The following POU1F1 variants were observed in gnomAD, a reference collection of about 807,000 sequenced individuals.
POU1F1 encodes pituitary-specific positive transcription factor 1.
A neutral mutation model predicts 32.3 loss-of-function variants in POU1F1; 23 were observed. The ratio of observed to expected loss-of-function variants is 0.71; its 90% CI spans 0.51 to 1.01. The LOEUF (loss-of-function observed/expected upper bound fraction) is 1.01. POU1F1 is among the 50% of genes least tolerant of loss of function. POU1F1 has a pLI of 0.00. For synonymous variants in POU1F1, 120 were observed against 115.6 expected (o/e 1.04, Z -0.25); for missense variants, 323 against 341.6 (o/e 0.95, Z 0.43).
At chr3:87,263,771 C>T (rs151034419) in intron 3 of POU1F1, among the ~76,000 whole-genome samples, 3 of 152,050 alleles carry the variant, frequency 2.0e-5, no homozygotes, top group African/African-American at 4.8e-5. Context: ...TAAAGTGGAA[C>T]TTGACAGCCC....
chr3:87,276,368 G>T lies in POU1F1; in HGVS notation c.95C>A (p.Ala32Asp), dbSNP rs1219258158. 2 of 1,613,990 alleles carry T rather than the reference G, an allele frequency of 1.2e-6. No individual in the cohort carries two copies. Among genetic ancestry groups the T allele is most frequent in the East Asian group, 2.2e-5 (1 of 44,866 alleles). ...TLPLIMHHSAAECLPVSNHAT... is the reference protein window; with the variant it reads ...TLPLIMHHSADECLPVSNHAT... ...ATGGTTGGAGACTGGTAGACACTCG[G>T]CAGCACTGTGATGCATTATCAGAGG... Residue 32 changes from alanine (A) to aspartate (D), a missense_variant, in exon 1 of 6, where the codon GCC becomes GAC. By Grantham distance (126) the Ala-to-Asp change is moderately radical (BLOSUM62 -2). Transcript: ENST00000350375.
In POU1F1 at chr3:87,265,860, C is replaced by G. The variant is rs200385179; in HGVS notation, c.215-1348G>C. Among the ~76,000 whole-genome samples the G allele has an allele frequency of 1.6e-4, 24 of 151,780 alleles. No individual in the cohort carries two copies. In the East Asian group the frequency reaches 3.9e-3, roughly 24 times the overall value. On this transcript the variant is annotated intron_variant, in intron 2 of 5. Coordinates refer to ENST00000350375, the MANE Select transcript of POU1F1 (RefSeq NM_000306.4). ...AAAGATTTTGGTATCCTTGGGGGTC[C>G]TGGAACCAATGTGCCACATAGAAGG...
chr3:87,265,410 G>C (rs532364093), intron 2 of POU1F1, among the ~76,000 whole-genome samples: 16 of 152,156 alleles, frequency 1.1e-4, no homozygotes, highest in African/African-American at 3.6e-4. Flanking sequence ...ATTGCTTCCA[G>C]ATTTCCTTTT....
chr3:87,262,837 T>C (rs1383255820), intron 3 of POU1F1, among the ~76,000 whole-genome samples: 3 of 152,128 alleles, frequency 2.0e-5, no homozygotes, highest in Non-Finnish European at 4.4e-5. Flanking sequence ...ATGATCCTTA[T>C]TGTTTGTCGC....
At chr3:87,275,099 G>A (rs928669404) in intron 1 of POU1F1, among the ~76,000 whole-genome samples, 1 of 151,788 alleles carries the variant, frequency 6.6e-6, no homozygotes, top group East Asian at 1.9e-4. Context: ...TTAGCTATGT[G>A]GTAATTGCTT....
intron 2 of POU1F1, among the ~76,000 whole-genome samples, chr3:87,269,934 G>C (rs1220476686): frequency 2.0e-5 from 3 of 152,134 alleles, no homozygotes; most frequent in Admixed American, 2.0e-4. Context: ...ACAGCAGAAA[G>C]GGTGAACCCC....
At position 87,273,335 on chromosome 3, in the gene POU1F1, A is replaced by T. The variant is rs748132475; in HGVS notation, c.214+12T>A. ...CCAAATTCAATAACATGTAAAAGAC[A>T]ACTTTTCTTACCTGCCATCACTCCA... On this transcript the variant is annotated intron_variant, in intron 2 of 5. Transcript: ENST00000350375. 1.9e-6 allele frequency: 3 copies of T among 1,609,576 alleles called. No homozygotes were observed. The South Asian group carries it at 3.3e-5, about 18-fold the overall frequency.
At chr3:87,265,450 G>A (rs530893939) in intron 2 of POU1F1, among the ~76,000 whole-genome samples, 1 of 152,142 alleles carries the variant, frequency 6.6e-6, no homozygotes, top group East Asian at 1.9e-4. Context: ...CAGTTGGGAA[G>A]TATAGGTGAG....
intron 2 of POU1F1, among the ~76,000 whole-genome samples, chr3:87,267,014 T>A (rs1706632204): frequency 6.6e-6 from 1 of 152,142 alleles, no homozygotes. Context: ...ATTTTGTACA[T>A]TTAACATATT....
At chr3:87,271,912 T>C (rs1453429558) in intron 2 of POU1F1, among the ~76,000 whole-genome samples, 2 of 152,176 alleles carry the variant, frequency 1.3e-5, no homozygotes, top group Non-Finnish European at 2.9e-5. Context: ...TGATAGAATG[T>C]AGGAGAAGCT....
intron 2 of POU1F1, among the ~76,000 whole-genome samples, chr3:87,271,792 T>G (rs1382052819): frequency 6.6e-6 from 1 of 152,150 alleles, no homozygotes; most frequent in Non-Finnish European, 1.5e-5. Context: ...AAATATGGCT[T>G]TAATTCTTAA....
chr3:87,261,992 T>C, intron 4 of POU1F1, 79 bp downstream of exon 4: 1 of 1,555,272 alleles, frequency 6.4e-7, no homozygotes, highest in South Asian at 1.1e-5. Flanking sequence ...AACCTCCTGC[T>C]TTAGCATTAA....
In POU1F1 at chr3:87,265,565, G is replaced by A. The variant is rs369128589; in HGVS notation, c.215-1053C>T. 2.6e-4 allele frequency among the ~76,000 whole-genome samples: 39 copies of A among 151,970 alleles called. 1 individual carries two copies. The highest frequency in any genetic ancestry group is 9.4e-4 in the African/African-American group (39 of 41,482). Reference sequence around the variant, plus strand: ...GATTCTACTTCAATTTATATTAAATGACATGTCTAGTGTGCCTTCCATATC... The same window carrying A: ...GATTCTACTTCAATTTATATTAAATAACATGTCTAGTGTGCCTTCCATATC... On this transcript the variant is annotated intron_variant, in intron 2 of 5. Coordinates refer to ENST00000350375, the MANE Select transcript of POU1F1 (RefSeq NM_000306.4).
At chr3:87,268,264 TATTTTTTATTTATA>T (rs949696396) in intron 2 of POU1F1, among the ~76,000 whole-genome samples, 3 of 151,374 alleles carry the variant, frequency 2.0e-5, no homozygotes, top group African/African-American at 4.8e-5. Flanking sequence ...TTTTTTAATT[TATTTTTTATTTATA>T]ATTTTTTATT....
chr3:87,268,746 C>CATA (rs1330280465), intron 2 of POU1F1, among the ~76,000 whole-genome samples: 7 of 152,190 alleles, frequency 4.6e-5, no homozygotes, highest in African/African-American at 1.7e-4. Flanking sequence ...CACACACACA[C>CATA]ATAGCTCAGA....
At chr3:87,262,315 T>A in intron 3 of POU1F1, 80 bp from the exon 4 acceptor site, 1 of 1,510,850 alleles carries the variant, frequency 6.6e-7, no homozygotes. Flanking sequence ...CAAATCTGTG[T>A]ATCTTTGTCA....
Position 87,276,443 on chromosome 3 carries a change from G to C in POU1F1, c.20C>G (p.Thr7Ser). 2 of 1,613,822 alleles carry C rather than the reference G, an allele frequency of 1.2e-6. No individual in the cohort carries two copies. The highest frequency in any genetic ancestry group is 1.7e-6 in the Non-Finnish European group (2 of 1,179,846). MSCQAF[T>S]SADTFIPLNS... The stretch of plus-strand genomic sequence containing the variant: ...CAGAGGTATAAAGGTATCAGCCGAA[G>C]TAAAAGCTTGGCAACTCATTCCCAC... The change falls in exon 1 of 6, where the codon ACT (threonine) becomes AGT (serine). Residue 7 changes from threonine to serine, a missense_variant. By Grantham distance (58) the Thr-to-Ser change is moderately conservative. Transcript: ENST00000350375.
At chr3:87,261,398 T>C in intron 4 of POU1F1, 65 bp from the exon 5 acceptor site, 2 of 1,250,342 alleles carry the variant, frequency 1.6e-6, no homozygotes, top group South Asian at 1.3e-5. Context: ...AACGATCTGA[T>C]TTGGATTTCA....
At chr3:87,262,578 T>G (rs72563134) in intron 3 of POU1F1, among the ~76,000 whole-genome samples, 21 of 152,198 alleles carry the variant, frequency 1.4e-4, no homozygotes, top group African/African-American at 5.1e-4. Flanking sequence ...TTATTGTTAG[T>G]TATCAAATAA....
Sources: gnomAD v4.1 joint callset for allele counts (sites outside exome capture counted in the v4.1 genomes callset) on GRCh38, gnomAD v4.1.1 for gene constraint, MANE v1.5 for transcripts, NCBI Gene and HGNC (gene_info 2026-07-23, HGNC 2026-07-21) for gene names.